CNTNAP2: variants seen among roughly 807,000 people sequenced by gnomAD.
The protein encoded by CNTNAP2 is contactin-associated protein-like 2.
A neutral mutation model predicts 155.2 loss-of-function variants in CNTNAP2; 98 were observed. The ratio of observed to expected loss-of-function variants is 0.63; its 90% CI spans 0.54 to 0.75. The LOEUF is 0.75. Ranked by LOEUF, CNTNAP2 falls within the 30% of genes least tolerant of loss-of-function variation. CNTNAP2 has a pLI of 0.00. For missense variants in CNTNAP2, 1,727 were observed against 1,688.1 expected (o/e 1.02, Z -0.40); for synonymous variants, 651 against 631.2 (o/e 1.03, Z -0.47).
At chr7:147,477,574 T>C (rs1798344687) in intron 10 of CNTNAP2, among the ~76,000 whole-genome samples, 1 of 152,218 alleles carries the variant, frequency 6.6e-6, no homozygotes, top group Non-Finnish European at 1.5e-5. Flanking sequence ...AGTTATCAAG[T>C]AAGTTCATTT....
chr7:147,418,162 T>C (rs1584937444), intron 10 of CNTNAP2, among the ~76,000 whole-genome samples: 1 of 152,336 alleles, frequency 6.6e-6, no homozygotes, highest in East Asian at 1.9e-4. Flanking sequence ...ATAATATTCT[T>C]CTTAAACCCA....
At chr7:146,797,005 G>A (rs753303962) in intron 2 of CNTNAP2, among the ~76,000 whole-genome samples, 7 of 151,982 alleles carry the variant, frequency 4.6e-5, no homozygotes, top group East Asian at 1.9e-4. Context: ...GCATGGTGGC[G>A]GGCGCCTGTA....
At chr7:147,588,244 G>A (rs536288737) in intron 12 of CNTNAP2, among the ~76,000 whole-genome samples, 59 of 152,208 alleles carry the variant, frequency 3.9e-4, no homozygotes, top group Non-Finnish European at 6.9e-4. Flanking sequence ...AGAGAAAGAG[G>A]TGCTGGATAT....
At chr7:146,934,807 G>T (rs1051070093) in intron 3 of CNTNAP2, among the ~76,000 whole-genome samples, 3 of 152,108 alleles carry the variant, frequency 2.0e-5, no homozygotes, top group African/African-American at 7.2e-5. Context: ...TTACTTCCAG[G>T]CTCTGCCTCT....
chr7:146,780,754 C>T (rs1418742519), intron 2 of CNTNAP2, among the ~76,000 whole-genome samples: 2 of 152,020 alleles, frequency 1.3e-5, no homozygotes, highest in Admixed American at 6.6e-5. Context: ...CCATCATTCT[C>T]AGCAAACTAA....
chr7:146,734,418 A>G (rs1801576684), intron 1 of CNTNAP2, among the ~76,000 whole-genome samples: 1 of 152,174 alleles, frequency 6.6e-6, no homozygotes, highest in Non-Finnish European at 1.5e-5. Context: ...ATAACAATAA[A>G]AAAGCATAAA....
chr7:147,160,049 G>C (rs551326240), intron 8 of CNTNAP2, among the ~76,000 whole-genome samples: 11 of 152,134 alleles, frequency 7.2e-5, no homozygotes, highest in Non-Finnish European at 1.5e-4. Flanking sequence ...TAAAAGGTTT[G>C]CTTGGATAAG....
chr7:147,493,438 A>G (rs879776012), intron 11 of CNTNAP2, among the ~76,000 whole-genome samples: 33 of 152,114 alleles, frequency 2.2e-4, no homozygotes, highest in Non-Finnish European at 1.5e-5. Flanking sequence ...TTAAGGAGTG[A>G]CTATGGGATC....
At chr7:146,979,593 G>A (rs141234254) in intron 3 of CNTNAP2, among the ~76,000 whole-genome samples, 99 of 152,156 alleles carry the variant, frequency 6.5e-4, no homozygotes, top group Non-Finnish European at 1.1e-3. Context: ...AAATAGGTCC[G>A]TGAAAGCAGA....
chr7:148,040,869 C>G (rs890612492), intron 15 of CNTNAP2, among the ~76,000 whole-genome samples: 2 of 151,518 alleles, frequency 1.3e-5, no homozygotes, highest in African/African-American at 4.8e-5. Flanking sequence ...CAGCTGGGCA[C>G]AGTGGCTCAC....
intron 3 of CNTNAP2, among the ~76,000 whole-genome samples, chr7:146,908,779 G>A (rs1796204536): frequency 7.2e-6 from 1 of 139,784 alleles, no homozygotes; most frequent in East Asian, 2.0e-4. Flanking sequence ...AAAGCTAGCA[G>A]AAGGCAAGAA....
intron 13 of CNTNAP2, among the ~76,000 whole-genome samples, chr7:147,891,438 C>G (rs1799693540): frequency 6.6e-6 from 1 of 152,044 alleles, no homozygotes; most frequent in African/African-American, 2.4e-5. Context: ...CTCCTGACCT[C>G]CTGATTTGCC....
intron 8 of CNTNAP2, among the ~76,000 whole-genome samples, chr7:147,278,236 GA>G (rs545542226): frequency 4.0e-5 from 6 of 151,304 alleles, no homozygotes; most frequent in Non-Finnish European, 7.4e-5. Flanking sequence ...ACTTTTCCAT[GA>G]AGTCTTCCCT....
At chr7:147,035,299 T>G (rs1799133812) in intron 3 of CNTNAP2, among the ~76,000 whole-genome samples, 1 of 152,206 alleles carries the variant, frequency 6.6e-6, no homozygotes, top group Non-Finnish European at 1.5e-5. Flanking sequence ...CAGTATTTTA[T>G]GAAGGTCCTT....
At chr7:147,149,451 T>C (rs1232736641) in intron 8 of CNTNAP2, among the ~76,000 whole-genome samples, 1 of 152,132 alleles carries the variant, frequency 6.6e-6, no homozygotes, top group East Asian at 1.9e-4. Flanking sequence ...CATAAACATA[T>C]CACTATTCAA....
chr7:146,716,522 C>T (rs552808759), intron 1 of CNTNAP2, among the ~76,000 whole-genome samples: 3 of 152,324 alleles, frequency 2.0e-5, no homozygotes, highest in Admixed American at 6.5e-5. Context: ...TCTGATGCCA[C>T]ACAGCAGGCT....
intron 1 of CNTNAP2, among the ~76,000 whole-genome samples, chr7:146,226,079 T>C (rs988173168): frequency 2.6e-5 from 4 of 152,190 alleles, no homozygotes; most frequent in Admixed American, 2.0e-4. Flanking sequence ...TTAGAACAAT[T>C]CCCAACTTGA....
At chr7:147,860,022 T>C (rs535824390) in intron 13 of CNTNAP2, among the ~76,000 whole-genome samples, 1 of 152,296 alleles carries the variant, frequency 6.6e-6, no homozygotes, top group East Asian at 1.9e-4. Context: ...AATTGTAATT[T>C]CCATGTGTCA....
At chr7:147,737,595 G>T (rs530019540) in intron 13 of CNTNAP2, among the ~76,000 whole-genome samples, 2 of 152,176 alleles carry the variant, frequency 1.3e-5, no homozygotes, top group African/African-American at 2.4e-5. Context: ...CCTTTTGTTC[G>T]GCTATGCCCT....
Sources: allele counts gnomAD v4.1 joint callset (sites outside exome capture counted in the v4.1 genomes callset), GRCh38; gene constraint gnomAD v4.1.1; transcripts MANE v1.5; gene names NCBI Gene and HGNC (gene_info 2026-07-23, HGNC 2026-07-21).